The following ZP3 variants were observed in gnomAD, a reference collection of about 807,000 sequenced individuals.
The protein encoded by ZP3 is zona pellucida sperm-binding protein 3.
In ZP3, 21 loss-of-function variants were observed where a neutral mutation model predicts 35.6. The observed-to-expected ratio is 0.59, with a 90% confidence interval of 0.42 to 0.85. The LOEUF is 0.85. Among genes scored for constraint, ZP3 ranks in the 40% least tolerant of loss-of-function variants. The pLI is 0.00. For missense variants in ZP3, 437 were observed against 536.5 expected, an observed-to-expected ratio of 0.81 and a Z score of 1.83; for synonymous variants, 207 against 214.5, an observed-to-expected ratio of 0.96 and a Z score of 0.31.
At chr7:76,413,998 CTTTT>C (rs113488466) in intron 1 of ZP3, among the ~76,000 whole-genome samples, 3 of 128,796 alleles carry the variant, frequency 2.3e-5, no homozygotes, top group Non-Finnish European at 3.3e-5. Context: ...CCTTCTTCTT[CTTTT>C]TTTTTTTTTT....
intron 5 of ZP3, among the ~76,000 whole-genome samples, chr7:76,437,603 C>T (rs1298156269): frequency 1.3e-5 from 2 of 151,120 alleles, no homozygotes; most frequent in South Asian, 2.1e-4. Flanking sequence ...TCTTCCATTC[C>T]AGCCTCCCAA....
intron 1 of ZP3, among the ~76,000 whole-genome samples, chr7:76,426,923 C>T (rs562353240): frequency 2.4e-5 from 3 of 122,946 alleles, no homozygotes; most frequent in East Asian, 2.9e-4. Flanking sequence ...GGTGTGGTGG[C>T]GCCTGCCTTT....
At chr7:76,407,213 G>A (rs779493012) in intron 1 of ZP3, among the ~76,000 whole-genome samples, 25 of 152,160 alleles carry the variant, frequency 1.6e-4, no homozygotes, top group Non-Finnish European at 3.2e-4. Context: ...CACCCGCCTC[G>A]GTCTCCCAAA....
chr7:76,397,557 T>C (rs768764493), exon 1 of ZP3: 2 of 1,602,628 alleles, frequency 1.2e-6, no homozygotes, highest in South Asian at 1.1e-5. Context: ...TGGCCGCAGT[T>C]GTGCACACCC....
At chr7:76,433,704 C>T (rs1278306162) in intron 4 of ZP3, 57 bp downstream of exon 4, 4 of 1,522,630 alleles carry the variant, frequency 2.6e-6, no homozygotes, top group Non-Finnish European at 3.6e-6. Flanking sequence ...CCTAAAGCCA[C>T]CTGTTTGGCT....
At chr7:76,397,712 ACAGCGGCATCCGG>A (rs757855676) in exon 1 of ZP3, 1 of 1,613,392 alleles carries the variant, frequency 6.2e-7, no homozygotes, top group Non-Finnish European at 8.5e-7. Context: ...ACGACAGACC[ACAGCGGCATCCGG>A]CAGCCCCCAG....
At chr7:76,424,255 A>G (rs1003201028), upstream of ZP3, among the ~76,000 whole-genome samples, 4 of 152,110 alleles carry the variant, frequency 2.6e-5, no homozygotes, top group Admixed American at 2.6e-4. Context: ...GCTGTGATAC[A>G]TTGTGGTGCA....
chr7:76,415,268 A>G (rs1490130969), intron 1 of ZP3, among the ~76,000 whole-genome samples: 1 of 147,620 alleles, frequency 6.8e-6, no homozygotes, highest in Non-Finnish European at 1.5e-5. Context: ...TGGGAAGCTG[A>G]GGCAGGAGAA....
intron 2 of ZP3, 94 bp downstream of exon 2, chr7:76,429,727 T>G: frequency 9.5e-7 from 1 of 1,057,772 alleles, no homozygotes; most frequent in Non-Finnish European, 1.4e-6. Context: ...GCTTGCAGCA[T>G]GGCTATTAGA....
chr7:76,431,223 G>A (rs532421662), intron 2 of ZP3, among the ~76,000 whole-genome samples: 1 of 152,194 alleles, frequency 6.6e-6, no homozygotes, highest in South Asian at 2.1e-4. Context: ...ATGTGGGTAG[G>A]GGAGATGGAG....
intron 5 of ZP3, among the ~76,000 whole-genome samples, chr7:76,436,058 TTTTTTTTTTTTTTTTTTGA>T (rs1805997488): frequency 1.1e-5 from 1 of 90,790 alleles, no homozygotes; most frequent in East Asian, 3.8e-4. Context: ...TTTTTTTTTT[TTTTTTTTTTTTTTTTTTGA>T]GAGGGTCTCT....
Position 76,425,097 on chromosome 7 carries a change from G to A in ZP3, c.133G>A (p.Glu45Lys). ...PETSVQPVLVECQEATLMVMV... is the reference protein window; with the variant it reads ...PETSVQPVLVKCQEATLMVMV... ...GACGTCCGTACAGCCCGTACTGGTG[G>A]AGTGTCAGGAGGCCACTCTGATGGT... The change falls in exon 1 of 8, where the codon GAG (glutamate) becomes AAG (lysine). Residue 45 changes from glutamate (E) to lysine (K), a missense_variant. Physicochemically the swap from Glu to Lys is moderately conservative, Grantham distance 56. Around this residue, in one of 6 missense-constraint regions of ZP3, gnomAD observed 352 missense variants for 308.4 expected, o/e 1.14. Coordinates refer to ENST00000394857, the MANE Select transcript of ZP3 (RefSeq NM_001110354.2). 1.1e-5 allele frequency: 17 copies of A among 1,613,906 alleles called. No homozygotes were observed. Among genetic ancestry groups the A allele is most frequent in the Non-Finnish European group, 1.4e-5 (17 of 1,180,012 alleles).
chr7:76,415,234 C>T (rs1049028967), intron 1 of ZP3, among the ~76,000 whole-genome samples: 3 of 151,364 alleles, frequency 2.0e-5, no homozygotes, highest in African/African-American at 7.3e-5. Flanking sequence ...GGTGTGGTGG[C>T]ACATGCCTGT....
At chr7:76,429,693 C>A in intron 2 of ZP3, 60 bp downstream of exon 2, 2 of 1,449,742 alleles carry the variant, frequency 1.4e-6, no homozygotes, top group Non-Finnish European at 9.7e-7. Flanking sequence ...TGGCTGCAGG[C>A]AAGTGGGCTG....
At chr7:76,426,699 ATTT>A (rs1344646867) in intron 1 of ZP3, among the ~76,000 whole-genome samples, 1 of 151,636 alleles carries the variant, frequency 6.6e-6, no homozygotes, top group Non-Finnish European at 1.5e-5. Context: ...GATAAGTGGT[ATTT>A]TTTTGTTGTT....
At chr7:76,427,001 G>T (rs1019540036) in intron 1 of ZP3, among the ~76,000 whole-genome samples, 1 of 152,054 alleles carries the variant, frequency 6.6e-6, no homozygotes, top group Non-Finnish European at 1.5e-5. Context: ...GCTGCAGTGA[G>T]CTACGATTGT....
At chr7:76,397,840 T>C in intron 1 of ZP3, 1 of 1,548,638 alleles carries the variant, frequency 6.5e-7, no homozygotes, top group African/African-American at 1.4e-5. Context: ...CACCTGGGGA[T>C]GGGGGCGGGG....
intron 7 of ZP3, 139 bp downstream of exon 7, chr7:76,440,750 A>G: frequency 3.6e-6 from 5 of 1,401,230 alleles, no homozygotes; most frequent in Non-Finnish European, 4.7e-6. Context: ...ACCTTTCCCT[A>G]ACACAAATCT....
chr7:76,397,715 GCGGCATC>G, exon 1 of ZP3: 2 of 1,613,360 alleles, frequency 1.2e-6, no homozygotes, highest in Non-Finnish European at 1.7e-6. Flanking sequence ...ACAGACCACA[GCGGCATC>G]CGGCAGCCCC....
Sources: allele counts gnomAD v4.1 joint callset (sites outside exome capture counted in the v4.1 genomes callset), GRCh38; gene constraint gnomAD v4.1.1; regional missense constraint gnomAD v4.1.1; transcripts MANE v1.5; gene names NCBI Gene and HGNC (gene_info 2026-07-23, HGNC 2026-07-21).